HDAC7: variants seen among roughly 807,000 people sequenced by gnomAD.
The protein encoded by HDAC7 is histone deacetylase 7, also known as histone deacetylase 7A.
Under a neutral mutation model 115.5 loss-of-function variants are expected in HDAC7, and 26 were observed. That is an observed-to-expected ratio of 0.23 (90% CI 0.16 to 0.31). The LOEUF is 0.31. Ranked by LOEUF, HDAC7 falls within the 10% of genes least tolerant of loss-of-function variation. The probability of loss-of-function intolerance (pLI) is 1.00; values close to 1 mark genes in which losing one functional copy is unlikely to be tolerated. For missense variants in HDAC7, 1,068 were observed against 1,329.0 expected (o/e 0.80, Z 3.05); for synonymous variants, 564 against 550.9 (o/e 1.02, Z -0.33).
At chr12:47,786,008 A>G (rs1943156051) in intron 22 of HDAC7, 123 bp from the exon 23 acceptor site, 1 of 994,128 alleles carries the variant, frequency 1.0e-6, no homozygotes, top group Non-Finnish European at 1.4e-6. Flanking sequence ...ATCAATCACT[A>G]TTTCCAAAGT....
intron 24 of HDAC7, chr12:47,784,427 A>G (rs1034658899): frequency 9.7e-6 from 6 of 620,032 alleles, no homozygotes; most frequent in African/African-American, 9.2e-5. Flanking sequence ...TGGGTTCAAC[A>G]TGGCTGTGAG....
Position 47,784,889 on chromosome 12 carries a change from TC to T in HDAC7, c.2791+497del, listed in dbSNP as rs1943080117. 3.3e-6 allele frequency: 3 copies of T among 897,346 alleles called. No homozygotes were observed. The Admixed American group carries it at 6.6e-5, about 20-fold the overall frequency. The allele number at this position is 897,346 out of a possible 1,614,324, so 55.6% of individuals were successfully genotyped here. ...CCCTTGATATGGGAATCTATTTTAC[TC>T]ATTTTTATCCCTAGTATAGATTATG... is the stretch of plus-strand genomic sequence containing the variant. On this transcript the variant is annotated intron_variant, in intron 24 of 25. Transcript: ENST00000080059.
intron 1 of HDAC7, among the ~76,000 whole-genome samples, chr12:47,804,397 C>G (rs1944302579): frequency 6.6e-6 from 1 of 152,028 alleles, no homozygotes; most frequent in Non-Finnish European, 1.5e-5. Flanking sequence ...CTACTGGCAC[C>G]CCGTCAGTAG....
In HDAC7 at chr12:47,795,754, C is replaced by T. The variant is rs1943789131; in HGVS notation, c.920G>A (p.Arg307His). The T allele has an allele frequency of 2.6e-6, 4 of 1,535,672 alleles. No homozygotes were observed. The highest frequency in any genetic ancestry group is 1.7e-4 in the Middle Eastern group (1 of 5,886). Residue 307 changes from arginine (R) to histidine (H), a missense_variant, in exon 10 of 26, where the codon CGC becomes CAC. Coordinates refer to ENST00000080059, the MANE Select transcript of HDAC7 (RefSeq NM_015401.5). This position sits in a 1 kb window ranked among gnomAD's most constrained non-coding sequence, Gnocchi z 4.3. The stretch of plus-strand genomic sequence containing the variant: ...AGGGCCCAGAGTCGGATGGGTCCTG[C>T]GGTCACTGTCAGCCTGGGGGAGAGG... ...LPAPARADSD[R>H]RTHPTLGPRG...
intron 1 of HDAC7, among the ~76,000 whole-genome samples, chr12:47,812,359 G>A (rs1944705463): frequency 6.6e-6 from 1 of 152,304 alleles, no homozygotes; most frequent in East Asian, 1.9e-4. Flanking sequence ...TGTTCTTCGT[G>A]TCTGCAACAT....
chr12:47,794,675 C>A (rs1592652727), intron 12 of HDAC7, 85 bp downstream of exon 12: 1 of 1,359,476 alleles, frequency 7.4e-7, no homozygotes, highest in East Asian at 2.5e-5. Context: ...GCACTGATGT[C>A]GTATCTCCCT....
In HDAC7 at chr12:47,795,698, G is replaced by A. The variant is rs1943784280; in HGVS notation, c.976C>T (p.Pro326Ser). ...RGPILGSPHT[P>S]LFLPHGLEPE... ...TCCAAGCCATGGGGCAGGAAGAGGGGAGTGTGGGGGCTCCCCAGGATTGGC... is the reference window on the plus strand; with the variant it reads ...TCCAAGCCATGGGGCAGGAAGAGGGAAGTGTGGGGGCTCCCCAGGATTGGC... Residue 326 changes from proline (P) to serine (S), a missense_variant, in exon 10 of 26, where the codon CCC becomes TCC. By Grantham distance (74) the Pro-to-Ser change is moderately conservative (BLOSUM62 -1). This residue lies in a region of HDAC7 where 618 missense variants were observed against 701.5 expected (regional missense o/e 0.88). Transcript: ENST00000080059. This position sits in a 1 kb window ranked among gnomAD's most constrained non-coding sequence, Gnocchi z 4.3. 7.7e-6 allele frequency: 12 copies of A among 1,550,646 alleles called. No individual in the cohort carries two copies. The highest frequency in any genetic ancestry group is 1.0e-5 in the Non-Finnish European group (12 of 1,146,640).
In HDAC7 at chr12:47,797,361, G is replaced by A; in HGVS notation, c.577+23C>T. ...CCTTCCCCCTTCCTTTGCCTGAAAG[G>A]TCCGCCTGTTTGTTCAGCTCACCTG... On this transcript the variant is annotated intron_variant, in intron 6 of 25. Coordinates refer to ENST00000080059, the MANE Select transcript of HDAC7 (RefSeq NM_015401.5). This position sits in a 1 kb window ranked among gnomAD's most constrained non-coding sequence, Gnocchi z 5.5. 1 of 1,605,092 alleles carries A rather than the reference G, an allele frequency of 6.2e-7. No individual in the cohort carries two copies. Among genetic ancestry groups the A allele is most frequent in the Non-Finnish European group, 8.5e-7 (1 of 1,172,042 alleles).
rs34394540 is a variant in HDAC7, at chr12:47,815,893, A to ATT, written c.19+3872_19+3873dup. ...CCCAAAGCCACCGCGTCCAGCCAGG[A>ATT]TTTTTTTTTTTTTTTTTTTTTACAG... is the stretch of plus-strand genomic sequence containing the variant. On this transcript the variant is annotated intron_variant, in intron 1 of 25. Transcript: ENST00000080059. Among the ~76,000 whole-genome samples, 306 of 118,258 alleles carry ATT rather than the reference A, an allele frequency of 2.6e-3. 3 individuals are homozygous for ATT. The highest frequency in any genetic ancestry group is 5.2e-3 in the Middle Eastern group (1 of 192). 77.6% of individuals were successfully genotyped at this position (118,258 alleles called of 152,430 possible).
intron 2 of HDAC7, 108 bp downstream of exon 2, chr12:47,802,116 C>A (rs1472169161): frequency 1.6e-6 from 2 of 1,222,276 alleles, no homozygotes; most frequent in African/African-American, 3.0e-5. Context: ...TCTGGCAGAT[C>A]AGCCAGCGAC....
chr12:47,787,245 C>CG (rs1555196871), intron 21 of HDAC7, among the ~76,000 whole-genome samples: 12 of 151,836 alleles, frequency 7.9e-5, no homozygotes, highest in Non-Finnish European at 1.3e-4. Context: ...CCAGGCCCCC[C>CG]CCCAGCTGCC....
At chr12:47,787,323 A>G (rs528739742) in intron 21 of HDAC7, among the ~76,000 whole-genome samples, 1 of 151,778 alleles carries the variant, frequency 6.6e-6, no homozygotes, top group African/African-American at 2.4e-5. Flanking sequence ...CTCTGAGAAG[A>G]CTCCAGGAAC....
At position 47,798,049 on chromosome 12, in the gene HDAC7, A is replaced by T; in HGVS notation, c.461+59T>A. 1 of 1,203,026 alleles carries T rather than the reference A, an allele frequency of 8.3e-7. No homozygotes were observed. Among genetic ancestry groups the T allele is most frequent in the South Asian group, 1.2e-5 (1 of 82,780 alleles). 74.5% of individuals were successfully genotyped at this position (1,203,026 alleles called of 1,614,324 possible). A position where few individuals can be genotyped will look rare whatever the true frequency, so the allele number is the denominator to read the frequency against. The stretch of plus-strand genomic sequence containing the variant: ...GCAAGTGTGTGTGCTCATGGCTAAC[A>T]CGGGGGCGGGGGTGGAGGGTGCATG... On this transcript the variant is annotated intron_variant, in intron 5 of 25. Coordinates refer to ENST00000080059, the MANE Select transcript of HDAC7 (RefSeq NM_015401.5). This position sits in a 1 kb window ranked among gnomAD's most constrained non-coding sequence, Gnocchi z 4.3.
chr12:47,786,356 T>C (rs372074934), intron 22 of HDAC7, among the ~76,000 whole-genome samples: 269 of 152,346 alleles, frequency 1.8e-3, no homozygotes, highest in African/African-American at 6.0e-3. Context: ...GGGTATGACC[T>C]GGTCAAGCCC....
chr12:47,788,034 C>CA lies in HDAC7; in HGVS notation c.2355+10dup. ...ATGAGGCTGGAAGATGTGGCCCTGA[C>CA]ATGCGGTTACCTCATCCACAGCCCC... On this transcript the variant is annotated intron_variant, in intron 20 of 25. Transcript: ENST00000080059. 2.5e-6 allele frequency: 4 copies of CA among 1,606,250 alleles called. No homozygotes were observed. The highest frequency in any genetic ancestry group is 3.4e-6 in the Non-Finnish European group (4 of 1,175,698).
intron 1 of HDAC7, chr12:47,818,077 T>G (rs1289579011): frequency 6.6e-6 from 1 of 152,294 alleles, no homozygotes; most frequent in Non-Finnish European, 1.5e-5. Context: ...CTCCCCATTT[T>G]ACTGATGGGG....
Position 47,786,862 on chromosome 12 carries a change from C to T in HDAC7, c.2454-159G>A, listed in dbSNP as rs547200460. ...TCTGACCTCCTTGACCTTGGCTGGC[C>T]ACCCATGTCCCTGGCACACACAGCC... On this transcript the variant is annotated intron_variant, in intron 21 of 25. Coordinates refer to ENST00000080059, the MANE Select transcript of HDAC7 (RefSeq NM_015401.5). Among the ~76,000 whole-genome samples, 323 of 152,330 alleles carry T rather than the reference C, an allele frequency of 2.1e-3. 1 individual carries two copies. Among genetic ancestry groups the T allele is most frequent in the African/African-American group, 7.5e-3 (313 of 41,580 alleles).
At chr12:47,802,130 G>C in intron 2 of HDAC7, 94 bp downstream of exon 2, 1 of 1,348,730 alleles carries the variant, frequency 7.4e-7, no homozygotes, top group Non-Finnish European at 1.0e-6. Context: ...CAGCGACCCT[G>C]CTTCTCTAAC....
intron 17 of HDAC7, 101 bp downstream of exon 17, chr12:47,789,712 C>A (rs1943374788): frequency 7.3e-7 from 1 of 1,374,614 alleles, no homozygotes; most frequent in South Asian, 1.2e-5. Context: ...GTAGCAATCT[C>A]TAAGAGGAAT....
Sources: gnomAD v4.1 joint callset for allele counts (sites outside exome capture counted in the v4.1 genomes callset) on GRCh38, gnomAD v4.1.1 for gene constraint, gnomAD v4.1.1 regional missense constraint, Gnocchi (gnomAD v3.1) non-coding constraint, MANE v1.5 for transcripts, NCBI Gene and HGNC (gene_info 2026-07-23, HGNC 2026-07-21) for gene names.